OXR1: variants seen among roughly 807,000 people sequenced by gnomAD.
OXR1 encodes the protein oxidation resistance 1.
A neutral mutation model predicts 104.6 loss-of-function variants in OXR1; 41 were observed. That is an observed-to-expected ratio of 0.39 (90% CI 0.31 to 0.51). The LOEUF is 0.51. Among genes scored for constraint, OXR1 ranks in the 20% least tolerant of loss-of-function variants. The pLI, the probability that OXR1 is intolerant of heterozygous loss-of-function variation, is 0.77. For missense variants in OXR1, 955 were observed against 1,031.9 expected, an observed-to-expected ratio of 0.93 and a Z score of 1.02; for synonymous variants, 348 against 348.4, an observed-to-expected ratio of 1.00 and a Z score of 0.01.
intron 1 of OXR1, among the ~76,000 whole-genome samples, chr8:106,320,799 G>A (rs943700463): frequency 3.3e-5 from 5 of 152,114 alleles, no homozygotes; most frequent in African/African-American, 7.2e-5. Context: ...AGCCTCCCGA[G>A]TTCCTGGGAT....
At chr8:106,670,252 TACTTCA>T (rs1201444533) in intron 3 of OXR1, among the ~76,000 whole-genome samples, 44 of 152,188 alleles carry the variant, frequency 2.9e-4, no homozygotes, top group Admixed American at 2.9e-3. Flanking sequence ...CCTAGGAAGA[TACTTCA>T]ACTTCAAATT....
At chr8:106,663,978 G>A (rs893642535) in intron 3 of OXR1, among the ~76,000 whole-genome samples, 1 of 152,170 alleles carries the variant, frequency 6.6e-6, no homozygotes, top group East Asian at 1.9e-4. Flanking sequence ...AACTCACAGT[G>A]TTGGTAGAAG....
intron 3 of OXR1, among the ~76,000 whole-genome samples, chr8:106,537,654 A>T (rs1261283596): frequency 6.7e-6 from 1 of 149,572 alleles, no homozygotes; most frequent in African/African-American, 2.5e-5. Context: ...CACATTGTGC[A>T]TATGTACCCT....
At chr8:106,586,260 A>G (rs1006310738) in intron 3 of OXR1, among the ~76,000 whole-genome samples, 2 of 152,280 alleles carry the variant, frequency 1.3e-5, no homozygotes, top group Non-Finnish European at 2.9e-5. Flanking sequence ...TACTTTAAAG[A>G]TAGAGCGGAC....
chr8:106,336,340 T>C (rs544567933), intron 1 of OXR1, among the ~76,000 whole-genome samples: 30 of 152,284 alleles, frequency 2.0e-4, no homozygotes, highest in African/African-American at 4.8e-4. Context: ...AGAAATTATA[T>C]TGTAGAGATT....
At chr8:106,406,668 G>C (rs1196044255) in intron 2 of OXR1, among the ~76,000 whole-genome samples, 1 of 152,126 alleles carries the variant, frequency 6.6e-6, no homozygotes, top group Middle Eastern at 3.2e-3. Flanking sequence ...ACAATAAAAA[G>C]ATCAGCAGTT....
intron 3 of OXR1, among the ~76,000 whole-genome samples, chr8:106,529,396 CTAAAAT>C (rs1419559694): frequency 6.6e-6 from 1 of 152,102 alleles, no homozygotes; most frequent in Non-Finnish European, 1.5e-5. Context: ...ACTTTCAACT[CTAAAAT>C]TAATATGAAA....
chr8:106,367,285 G>A (rs916549732), intron 2 of OXR1, among the ~76,000 whole-genome samples: 5 of 151,718 alleles, frequency 3.3e-5, no homozygotes, highest in Non-Finnish European at 7.4e-5. Flanking sequence ...GGACAGTCTC[G>A]ATCTCCTGAC....
chr8:106,456,002 A>G (rs2130631862), intron 2 of OXR1, among the ~76,000 whole-genome samples: 1 of 152,356 alleles, frequency 6.6e-6, no homozygotes, highest in South Asian at 2.1e-4. Context: ...TGTAAACTTA[A>G]TGACATTTCA....
At chr8:106,702,495 T>C (rs1046973653) in intron 7 of OXR1, among the ~76,000 whole-genome samples, 2 of 152,192 alleles carry the variant, frequency 1.3e-5, no homozygotes, top group Admixed American at 1.3e-4. Flanking sequence ...TTTTATAATA[T>C]TATCAACATT....
chr8:106,689,612 A>G (rs1829080809), intron 6 of OXR1, among the ~76,000 whole-genome samples: 1 of 151,980 alleles, frequency 6.6e-6, no homozygotes, highest in African/African-American at 2.4e-5. Context: ...AAATTTAGAA[A>G]ACTTTCTAAT....
At chr8:106,321,365 TGAG>T (rs1283279871) in intron 1 of OXR1, among the ~76,000 whole-genome samples, 3 of 152,142 alleles carry the variant, frequency 2.0e-5, no homozygotes, top group African/African-American at 7.2e-5. Flanking sequence ...ACCTTTATGG[TGAG>T]GAGGGTCCTT....
In OXR1 at chr8:106,270,265, A is replaced by C. The variant is rs1304407503; in HGVS notation, c.-241A>C. ...AGCCCATTCACCTCGCGGCCACAGG[A>C]GCTCAGCGCCGGCGCCGCGCCGCCC... is the stretch of plus-strand genomic sequence containing the variant. On this transcript the variant is annotated 5_prime_UTR_variant, in exon 1 of 17. Coordinates refer to ENST00000517566, the MANE Select transcript of OXR1 (RefSeq NM_001198533.2). The C allele has an allele frequency of 6.6e-6, 1 of 151,790 alleles. No homozygotes were observed. Among genetic ancestry groups the C allele is most frequent in the Admixed American group, 6.6e-5 (1 of 15,218 alleles). 9.4% of individuals were successfully genotyped at this position (151,790 alleles called of 1,614,324 possible).
chr8:106,394,097 A>C (rs2130452236), intron 2 of OXR1, among the ~76,000 whole-genome samples: 1 of 152,176 alleles, frequency 6.6e-6, no homozygotes, highest in South Asian at 2.1e-4. Context: ...CTATCCACTC[A>C]GTGATTAAAT....
At chr8:106,697,614 A>G (rs2131328772) in intron 7 of OXR1, 3 of 1,613,026 alleles carry the variant, frequency 1.9e-6, no homozygotes, top group East Asian at 4.5e-5. Context: ...CTGCCAACCC[A>G]CCCAGATTCC....
In OXR1 at chr8:106,742,233, G is replaced by A. The variant is rs28924689; in HGVS notation, c.2328G>A (p.Ala776=). Residue 776 remains alanine (A), a synonymous_variant, in exon 15 of 17, where the codon GCG becomes GCA. Transcript: ENST00000517566. ...IKDSDGQVFG[A]LASEPLKVSD... ...TTTTTTATCCTTAGGTTTTTGGTGC[G>A]TTAGCATCTGAGCCACTGAAAGTGA... 182 of 1,598,616 alleles carry A rather than the reference G, an allele frequency of 1.1e-4. 1 individual carries two copies. The Admixed American group carries it at 1.8e-3, about 16-fold the overall frequency.
intron 3 of OXR1, among the ~76,000 whole-genome samples, chr8:106,558,451 C>T (rs367996764): frequency 1.1e-4 from 16 of 152,082 alleles, no homozygotes; most frequent in African/African-American, 3.1e-4. Context: ...ATGGAGGATC[C>T]GGGACAGCAA....
Position 106,339,517 on chromosome 8 carries a change from AAAATAT to A in OXR1, c.-138-19957_-138-19952del, listed in dbSNP as rs1380319585. ...CAAAAAAAAAAAAAAAAAAAAAAAAAAAATATATATATATATATATATATATATATA... is the reference window on the plus strand; with the variant it reads ...CAAAAAAAAAAAAAAAAAAAAAAAAAATATATATATATATATATATATATA... On this transcript the variant is annotated intron_variant, in intron 1 of 16. Transcript: ENST00000517566. Among the ~76,000 whole-genome samples, 183 of 29,290 alleles carry A rather than the reference AAAATAT, an allele frequency of 6.2e-3. 5 individuals carry two copies. Among genetic ancestry groups the A allele is most frequent in the Admixed American group, 0.015 (29 of 1,958 alleles). 19.2% of individuals were successfully genotyped at this position (29,290 alleles called of 152,430 possible). A position where few individuals can be genotyped will look rare whatever the true frequency, so the allele number is the denominator to read the frequency against.
At chr8:106,468,421 C>A (rs113474843) in intron 2 of OXR1, among the ~76,000 whole-genome samples, 2,555 of 151,570 alleles carry the variant, frequency 0.017, 35 homozygotes, top group African/African-American at 0.041. Context: ...CACACACACA[C>A]AAAAAACAAC....
Sources: gnomAD v4.1 joint callset for allele counts (sites outside exome capture counted in the v4.1 genomes callset) on GRCh38, gnomAD v4.1.1 for gene constraint, MANE v1.5 for transcripts, NCBI Gene and HGNC (gene_info 2026-07-23, HGNC 2026-07-21) for gene names.